SLC8A3: variants seen among roughly 807,000 people sequenced by gnomAD.
SLC8A3 encodes the protein solute carrier family 8 member A3.
SLC8A3 carries 37 observed loss-of-function variants against 65.4 expected under a neutral mutation model. The ratio of observed to expected loss-of-function variants is 0.57; its 90% CI spans 0.44 to 0.74. SLC8A3 has a LOEUF of 0.74. Among genes scored for constraint, SLC8A3 ranks in the 30% least tolerant of loss-of-function variants. The pLI is 0.00. For synonymous variants in SLC8A3, 461 were observed against 444.5 expected (o/e 1.04, Z -0.47); for missense variants, 1,112 against 1,172.1 (o/e 0.95, Z 0.75).
At chr14:70,064,116 G>A (rs1483511136) in intron 2 of SLC8A3, among the ~76,000 whole-genome samples, 1 of 152,182 alleles carries the variant, frequency 6.6e-6, no homozygotes, top group African/African-American at 2.4e-5. Flanking sequence ...GGCTCCTCCT[G>A]GGCTTTGTGC....
chr14:70,187,628 T>TG (rs1883409589), intron 1 of SLC8A3, among the ~76,000 whole-genome samples: 2 of 134,098 alleles, frequency 1.5e-5, no homozygotes, highest in Admixed American at 7.3e-5. Flanking sequence ...TGTGTGTGTG[T>TG]GTGTGTGTGT....
intron 2 of SLC8A3, among the ~76,000 whole-genome samples, chr14:70,098,982 T>G (rs1192727845): frequency 6.6e-6 from 1 of 152,170 alleles, no homozygotes; most frequent in East Asian, 1.9e-4. Flanking sequence ...GGTGTGAGGT[T>G]CCTGAAAGAA....
Position 70,061,020 on chromosome 14 carries a change from T to C in SLC8A3, c.1785-81A>G, listed in dbSNP as rs533659431. On this transcript the variant is annotated intron_variant, in intron 2 of 6. Transcript: ENST00000356921. ...ACCTGGAGCACAGCCTTTAAAATCATTCCCCGTCATTCCTGGCACATGCAG... is the reference window on the plus strand; with the variant it reads ...ACCTGGAGCACAGCCTTTAAAATCACTCCCCGTCATTCCTGGCACATGCAG... The C allele has an allele frequency of 5.5e-5, 36 of 660,308 alleles. No individual in the cohort carries two copies. In the African/African-American group the frequency reaches 5.9e-4, roughly 11 times the overall value. The allele number at this position is 660,308 out of a possible 1,614,324, so 40.9% of individuals were successfully genotyped here.
chr14:70,054,082 T>C (rs1214391514), intron 3 of SLC8A3, among the ~76,000 whole-genome samples: 1 of 152,146 alleles, frequency 6.6e-6, no homozygotes, highest in East Asian at 1.9e-4. Flanking sequence ...CTCTCAGTTC[T>C]AGGAACAGGA....
chr14:70,139,389 C>T (rs1157362861), intron 2 of SLC8A3, among the ~76,000 whole-genome samples: 1 of 152,200 alleles, frequency 6.6e-6, no homozygotes, highest in African/African-American at 2.4e-5. Context: ...TGCAAGCCCT[C>T]TTTGATGGCA....
chr14:70,186,321 C>T (rs748244734), intron 1 of SLC8A3, among the ~76,000 whole-genome samples: 12 of 152,170 alleles, frequency 7.9e-5, no homozygotes, highest in Non-Finnish European at 1.5e-4. Context: ...ATAAATTACC[C>T]AGTCTTGGGT....
Position 70,168,363 on chromosome 14 carries a change from G to T in SLC8A3, c.60C>A (p.Thr20=), listed in dbSNP as rs759277151. 6.2e-7 allele frequency: 1 copy of T among 1,614,150 alleles called. No individual in the cohort carries two copies. Among genetic ancestry groups the T allele is most frequent in the Non-Finnish European group, 8.5e-7 (1 of 1,180,022 alleles). ...GAAGACCATTCAGGAAGAGCACAAA[G>T]GTAACCAGCCCAAAATGGAGGAAGG... ...TSAFLHFGLV[T]FVLFLNGLRA... Residue 20 remains threonine (T), a synonymous_variant, in exon 2 of 7, where the codon ACC becomes ACA. Coordinates refer to ENST00000356921, the MANE Select transcript of SLC8A3 (RefSeq NM_182932.3).
Position 70,044,395 on chromosome 14 carries a change from A to C in SLC8A3, c.*1552T>G, listed in dbSNP as rs1886525133. The C allele has an allele frequency of 7.5e-6, 1 of 133,920 alleles. No individual in the cohort carries two copies. The highest frequency in any genetic ancestry group is 1.6e-5 in the Non-Finnish European group (1 of 62,800). The allele number at this position is 133,920 out of a possible 1,614,324, so 8.3% of individuals were successfully genotyped here. A position where few individuals can be genotyped will look rare whatever the true frequency, so the allele number is the denominator to read the frequency against. On this transcript the variant is annotated 3_prime_UTR_variant, in exon 7 of 7. Coordinates refer to ENST00000356921, the MANE Select transcript of SLC8A3 (RefSeq NM_182932.3). ...AATTTCTTCCCCCCCCCCCTTAGAAAATGTATTTATGTCAATGCAGAAAGC... is the reference window on the plus strand; with the variant it reads ...AATTTCTTCCCCCCCCCCCTTAGAACATGTATTTATGTCAATGCAGAAAGC...
At chr14:70,157,948 C>T (rs972528724) in intron 2 of SLC8A3, among the ~76,000 whole-genome samples, 9 of 152,130 alleles carry the variant, frequency 5.9e-5, no homozygotes, top group African/African-American at 2.2e-4. Context: ...GCAAAGAAAT[C>T]ATAGATCAGA....
chr14:70,051,309 T>C (rs1297301715), intron 4 of SLC8A3, among the ~76,000 whole-genome samples: 3 of 152,202 alleles, frequency 2.0e-5, no homozygotes, highest in African/African-American at 7.2e-5. Context: ...TTTGTTTTGT[T>C]TGAGACAGGG....
chr14:70,136,619 G>A lies in SLC8A3; in HGVS notation c.1784+30020C>T, dbSNP rs528070443. 3.2e-4 allele frequency among the ~76,000 whole-genome samples: 49 copies of A among 152,218 alleles called. 1 individual carries two copies. The South Asian group carries it at 9.1e-3, about 28-fold the overall frequency. ...TGTTCCATGTGTTCTTGGTCTTTTT[G>A]GTTTTGCTTTAACCATCACCATATC... On this transcript the variant is annotated intron_variant, in intron 2 of 6. Transcript: ENST00000356921.
At chr14:70,140,426 G>A (rs1026812798) in intron 2 of SLC8A3, among the ~76,000 whole-genome samples, 1 of 152,072 alleles carries the variant, frequency 6.6e-6, no homozygotes, top group Admixed American at 6.5e-5. Flanking sequence ...ACACAAGAAG[G>A]GTTATCATGG....
chr14:70,137,747 A>G (rs1330800694), intron 2 of SLC8A3, among the ~76,000 whole-genome samples: 1 of 151,060 alleles, frequency 6.6e-6, no homozygotes, highest in African/African-American at 2.4e-5. Context: ...GCTCCAAAAA[A>G]CAACTCAACA....
At chr14:70,173,377 C>T (rs182776770) in intron 1 of SLC8A3, among the ~76,000 whole-genome samples, 21 of 152,286 alleles carry the variant, frequency 1.4e-4, no homozygotes, top group Non-Finnish European at 7.4e-5. Flanking sequence ...GGCTCAGCCC[C>T]GAGCCTCTCA....
intron 2 of SLC8A3, among the ~76,000 whole-genome samples, chr14:70,127,018 C>A (rs1894504557): frequency 6.6e-6 from 1 of 152,110 alleles, no homozygotes; most frequent in Admixed American, 6.6e-5. Context: ...CTGGGAGGGG[C>A]TTCTAGAATT....
intron 2 of SLC8A3, among the ~76,000 whole-genome samples, chr14:70,165,572 C>T (rs181902023): frequency 6.6e-6 from 1 of 152,300 alleles, no homozygotes; most frequent in East Asian, 1.9e-4. Context: ...GAGGAAGTTC[C>T]CGTTTGTCTT....
chr14:70,167,267 C>T lies in SLC8A3; in HGVS notation c.1156G>A (p.Val386Met). The T allele has an allele frequency of 6.2e-6, 10 of 1,614,176 alleles. No individual in the cohort carries two copies. The highest frequency in any genetic ancestry group is 8.5e-6 in the Non-Finnish European group (10 of 1,180,040). Residue 386 changes from valine (V) to methionine (M), a missense_variant, in exon 2 of 7, where the codon GTG becomes ATG. Val to Met is a conservative substitution (Grantham distance 21). Coordinates refer to ENST00000356921, the MANE Select transcript of SLC8A3 (RefSeq NM_182932.3). ...AAGTCCTCAGGCTCATCGGTGTGCA[C>T]CTCGCTCATGCTGGAGGCCTTCTTG... ...QAKKASSMSE[V>M]HTDEPEDFIS...
At chr14:70,073,009 C>T (rs1346476215) in intron 2 of SLC8A3, among the ~76,000 whole-genome samples, 1 of 152,122 alleles carries the variant, frequency 6.6e-6, no homozygotes, top group Non-Finnish European at 1.5e-5. Flanking sequence ...CTTCATTATG[C>T]CCCAAACATG....
chr14:70,054,838 G>A lies in SLC8A3; in HGVS notation c.1889-2724C>T, dbSNP rs528444074. 4.7e-4 allele frequency among the ~76,000 whole-genome samples: 72 copies of A among 152,160 alleles called. No individual in the cohort carries two copies. In the Middle Eastern group the frequency reaches 0.01, roughly 22 times the overall value. ...TCCTGAACCCAAGATGTAGCCTGTAGGTGACTTTGAATATAAATGAACTCT... is the reference window on the plus strand; with the variant it reads ...TCCTGAACCCAAGATGTAGCCTGTAAGTGACTTTGAATATAAATGAACTCT... On this transcript the variant is annotated intron_variant, in intron 3 of 6. Transcript: ENST00000356921.
Sources: gnomAD v4.1 joint callset for allele counts (sites outside exome capture counted in the v4.1 genomes callset) on GRCh38, gnomAD v4.1.1 for gene constraint, MANE v1.5 for transcripts, NCBI Gene and HGNC (gene_info 2026-07-23, HGNC 2026-07-21) for gene names.